The following ANTXR1 variants were observed in gnomAD, a reference collection of about 807,000 sequenced individuals.
The protein encoded by ANTXR1 is anthrax toxin receptor 1.
A neutral mutation model predicts 78.1 loss-of-function variants in ANTXR1; 19 were observed. The ratio of observed to expected loss-of-function variants is 0.24; its 90% confidence interval spans 0.17 to 0.36. ANTXR1 has a LOEUF of 0.36. Among genes scored for constraint, ANTXR1 ranks in the 10% least tolerant of loss-of-function variants. The pLI is 1.00. For missense variants in ANTXR1, 518 were observed against 718.6 expected (o/e 0.72, Z 3.19); for synonymous variants, 273 against 260.5 (o/e 1.05, Z -0.46).
At chr2:69,090,943 TG>T in intron 9 of ANTXR1, 24 bp downstream of exon 9, 1 of 1,607,326 alleles carries the variant, frequency 6.2e-7, no homozygotes, top group South Asian at 1.1e-5. Context: ...AAATGCTAAT[TG>T]CTTTCATACA....
At chr2:69,183,577 T>G (rs990711181) in intron 16 of ANTXR1, among the ~76,000 whole-genome samples, 1 of 121,934 alleles carries the variant, frequency 8.2e-6, no homozygotes, top group East Asian at 2.1e-4. Flanking sequence ...AATTTTTGTT[T>G]TTTTTTTTTT....
At chr2:69,047,843 A>G (rs971198606) in intron 3 of ANTXR1, among the ~76,000 whole-genome samples, 2 of 152,122 alleles carry the variant, frequency 1.3e-5, no homozygotes, top group South Asian at 2.1e-4. Flanking sequence ...CTGAGGTTCA[A>G]AAAGTTTAGG....
Position 69,159,073 on chromosome 2 carries a change from G to C in ANTXR1, c.1047+6809G>C, listed in dbSNP as rs183814438. Among the ~76,000 whole-genome samples the C allele has an allele frequency of 5.8e-4, 88 of 152,246 alleles. 1 individual carries two copies. The highest frequency in any genetic ancestry group is 6.8e-3 in the Middle Eastern group (2 of 294). ...CCACAGACCTATGGAACTGTAATGA[G>C]TGGTTGTGTCATGGGGGTTTGTATT... is the stretch of plus-strand genomic sequence containing the variant. On this transcript the variant is annotated intron_variant, in intron 13 of 17. Coordinates refer to ENST00000303714, the MANE Select transcript of ANTXR1 (RefSeq NM_032208.3).
At chr2:69,156,801 A>G (rs1573940452) in intron 13 of ANTXR1, among the ~76,000 whole-genome samples, 1 of 152,334 alleles carries the variant, frequency 6.6e-6, no homozygotes, top group South Asian at 2.1e-4. Flanking sequence ...GCCATGATCC[A>G]ATCACTTGAT....
chr2:69,032,265 G>C (rs1671550618), intron 1 of ANTXR1, among the ~76,000 whole-genome samples: 1 of 152,128 alleles, frequency 6.6e-6, no homozygotes, highest in South Asian at 2.1e-4. Context: ...AAGATGCTTG[G>C]GGAAAAGTCT....
At chr2:69,116,041 G>C (rs115883527) in intron 10 of ANTXR1, among the ~76,000 whole-genome samples, 2,142 of 152,252 alleles carry the variant, frequency 0.014, 63 homozygotes, top group African/African-American at 0.049. Context: ...ATTTCTCCTT[G>C]ACTTCTCAAC....
chr2:69,179,009 C>A (rs1674204821), intron 14 of ANTXR1, among the ~76,000 whole-genome samples: 1 of 152,178 alleles, frequency 6.6e-6, no homozygotes. Context: ...CTTTGGAAAA[C>A]TGCCCCAGAC....
intron 11 of ANTXR1, among the ~76,000 whole-genome samples, chr2:69,123,590 A>T (rs1672426507): frequency 6.6e-6 from 1 of 152,204 alleles, no homozygotes; most frequent in African/African-American, 2.4e-5. Context: ...ACGCCTTCTG[A>T]TGTCCCACAC....
At chr2:69,226,654 T>C (rs541893704) in intron 17 of ANTXR1, among the ~76,000 whole-genome samples, 19 of 152,228 alleles carry the variant, frequency 1.2e-4, no homozygotes, top group African/African-American at 2.2e-4. Context: ...GGAGGAACCA[T>C]TGAAATAGAA....
chr2:69,082,922 CA>C (rs1186512398), intron 8 of ANTXR1, among the ~76,000 whole-genome samples: 1 of 152,202 alleles, frequency 6.6e-6, no homozygotes, highest in Non-Finnish European at 1.5e-5. Flanking sequence ...AAGCATTGAG[CA>C]AACACAACTA....
chr2:69,049,173 T>C (rs56799061), intron 3 of ANTXR1, among the ~76,000 whole-genome samples: 9,104 of 152,194 alleles, frequency 0.06, 558 homozygotes, highest in East Asian at 0.24. Context: ...AAAACGTGCA[T>C]GTCAGTGGGT....
At chr2:69,226,138 C>T (rs112604283) in intron 17 of ANTXR1, among the ~76,000 whole-genome samples, 9 of 152,222 alleles carry the variant, frequency 5.9e-5, no homozygotes, top group African/African-American at 1.7e-4. Context: ...AGCCATAGCT[C>T]GGGGGAGTGG....
intron 10 of ANTXR1, among the ~76,000 whole-genome samples, chr2:69,107,540 A>G (rs1174635902): frequency 6.6e-6 from 1 of 152,154 alleles, no homozygotes; most frequent in Non-Finnish European, 1.5e-5. Context: ...ACACCCAGCC[A>G]AGAAAAAGCA....
chr2:69,197,343 C>A (rs1299313714), intron 17 of ANTXR1, among the ~76,000 whole-genome samples: 3 of 152,188 alleles, frequency 2.0e-5, no homozygotes, highest in African/African-American at 7.2e-5. Context: ...TTCAGACTTG[C>A]AAAAACTGTG....
intron 14 of ANTXR1, among the ~76,000 whole-genome samples, chr2:69,178,680 C>A (rs1674195804): frequency 6.6e-6 from 1 of 152,190 alleles, no homozygotes; most frequent in Non-Finnish European, 1.5e-5. Flanking sequence ...CCTGAGCACT[C>A]AGCGGGGTTG....
At chr2:69,131,361 CCACA>C (rs1672739027) in intron 12 of ANTXR1, among the ~76,000 whole-genome samples, 1 of 152,212 alleles carries the variant, frequency 6.6e-6, no homozygotes, top group African/African-American at 2.4e-5. Flanking sequence ...GCCTGGAGAG[CCACA>C]GACTTGTTCA....
chr2:69,135,740 A>T (rs1282021308), intron 12 of ANTXR1, among the ~76,000 whole-genome samples: 1 of 152,144 alleles, frequency 6.6e-6, no homozygotes, highest in Non-Finnish European at 1.5e-5. Context: ...TAAAGCAAAA[A>T]TTGATAGAAT....
At chr2:69,068,952 C>G (rs1479256593) in intron 3 of ANTXR1, among the ~76,000 whole-genome samples, 1 of 152,142 alleles carries the variant, frequency 6.6e-6, no homozygotes, top group Non-Finnish European at 1.5e-5. Flanking sequence ...GTTAGTGGAT[C>G]AAGGAGGGCT....
chr2:69,068,785 T>C (rs879507936), intron 3 of ANTXR1, among the ~76,000 whole-genome samples: 21 of 152,226 alleles, frequency 1.4e-4, no homozygotes, highest in Admixed American at 3.9e-4. Flanking sequence ...CAAGAGGCCA[T>C]TCAAAAGATA....
Sources: gnomAD v4.1 joint callset for allele counts (sites outside exome capture counted in the v4.1 genomes callset) on GRCh38, gnomAD v4.1.1 for gene constraint, MANE v1.5 for transcripts, NCBI Gene and HGNC (gene_info 2026-07-23, HGNC 2026-07-21) for gene names.